Variants in APBB1IP observed in about 807,000 individuals in gnomAD.
The protein encoded by APBB1IP is amyloid beta precursor protein binding family B member 1 interacting protein.
A neutral mutation model predicts 64.9 loss-of-function variants in APBB1IP; 27 were observed. That is an observed-to-expected ratio of 0.42 (90% confidence interval 0.31 to 0.57). The LOEUF is 0.57. Among genes scored for constraint, APBB1IP ranks in the 20% least tolerant of loss-of-function variants. The pLI is 0.20. For synonymous variants in APBB1IP, 392 were observed against 331.0 expected, an observed-to-expected ratio of 1.18 and a Z score of -2.00; for missense variants, 812 against 845.5, an observed-to-expected ratio of 0.96 and a Z score of 0.49.
chr10:26,509,683 A>T (rs919338277), intron 6 of APBB1IP: 1 of 152,254 alleles, frequency 6.6e-6, no homozygotes, highest in Non-Finnish European at 1.5e-5. Context: ...GGGAGGTAGG[A>T]ATAGGACAGA....
intron 8 of APBB1IP, 95 bp from the exon 9 acceptor site, chr10:26,533,344 C>T: frequency 1.5e-6 from 1 of 681,536 alleles, no homozygotes; most frequent in Non-Finnish European, 2.3e-6. Context: ...GTTTCACACA[C>T]TTAACATCTT....
chr10:26,522,305 C>T (rs1169378708), intron 8 of APBB1IP, among the ~76,000 whole-genome samples: 2 of 152,078 alleles, frequency 1.3e-5, no homozygotes, highest in Non-Finnish European at 2.9e-5. Flanking sequence ...CACACAGCTT[C>T]CCCCACTATC....
chr10:26,445,917 T>G (rs999530190), intron 2 of APBB1IP, among the ~76,000 whole-genome samples: 6 of 150,166 alleles, frequency 4.0e-5, no homozygotes, highest in Non-Finnish European at 5.9e-5. Context: ...GTCTTAGTTA[T>G]TAACTGCTAT....
At chr10:26,498,234 C>A (rs190192492) in intron 4 of APBB1IP, among the ~76,000 whole-genome samples, 2 of 151,828 alleles carry the variant, frequency 1.3e-5, no homozygotes, top group Non-Finnish European at 2.9e-5. Flanking sequence ...GCAGGCCAGG[C>A]GTGGTGGCTC....
chr10:26,555,684 C>G (rs980375061), intron 11 of APBB1IP, among the ~76,000 whole-genome samples: 1 of 152,130 alleles, frequency 6.6e-6, no homozygotes, highest in Non-Finnish European at 1.5e-5. Context: ...ACCGCAGCCT[C>G]GAACACCTGG....
At chr10:26,501,252 A>G in intron 5 of APBB1IP, 141 bp downstream of exon 5, 1 of 1,262,500 alleles carries the variant, frequency 7.9e-7, no homozygotes, top group Non-Finnish European at 1.1e-6. Flanking sequence ...GAGCACGCTC[A>G]TTGCAAAGCT....
chr10:26,497,648 A>G (rs138066770), intron 4 of APBB1IP, among the ~76,000 whole-genome samples: 2 of 152,166 alleles, frequency 1.3e-5, no homozygotes, highest in African/African-American at 2.4e-5. Context: ...CCTACCAAAA[A>G]TGTGAAAAGC....
intron 3 of APBB1IP, among the ~76,000 whole-genome samples, chr10:26,494,970 G>A (rs1282816557): frequency 6.6e-6 from 1 of 151,640 alleles, no homozygotes; most frequent in Non-Finnish European, 1.5e-5. Context: ...GTTAAAAGGT[G>A]TTAGGATGGC....
In APBB1IP at chr10:26,518,923, A is replaced by T. The variant is rs565872113; in HGVS notation, c.813+5263A>T. 2.0e-5 allele frequency among the ~76,000 whole-genome samples: 3 copies of T among 152,308 alleles called. No homozygotes were observed. The South Asian group carries it at 6.2e-4, about 32-fold the overall frequency. On this transcript the variant is annotated intron_variant, in intron 8 of 14. Transcript: ENST00000376236. ...TTCACACAGATTTTTTATTAAATCC[A>T]GCATTTCTAGCGGTTTTGTGTACAG...
At chr10:26,483,195 T>C (rs1238638356) in intron 2 of APBB1IP, among the ~76,000 whole-genome samples, 2 of 151,236 alleles carry the variant, frequency 1.3e-5, no homozygotes, top group South Asian at 2.1e-4. Context: ...GATAAATTCA[T>C]TGAAGAGAAG....
intron 8 of APBB1IP, 82 bp downstream of exon 8, chr10:26,513,742 G>C (rs1473647055): frequency 2.0e-6 from 3 of 1,477,994 alleles, no homozygotes; most frequent in Non-Finnish European, 1.8e-6. Flanking sequence ...AAAGGCTGGA[G>C]ACAGGGTCTG....
At chr10:26,521,622 C>A in intron 8 of APBB1IP, among the ~76,000 whole-genome samples, 1 of 152,200 alleles carries the variant, frequency 6.6e-6, no homozygotes, top group East Asian at 1.9e-4. Context: ...CAGACGATGG[C>A]TCCTCTATAA....
intron 2 of APBB1IP, among the ~76,000 whole-genome samples, chr10:26,461,127 T>C (rs1411938184): frequency 6.7e-6 from 1 of 148,416 alleles, no homozygotes; most frequent in African/African-American, 2.5e-5. Context: ...GTCAAAAGTA[T>C]CTACCACAAA....
intron 2 of APBB1IP, among the ~76,000 whole-genome samples, chr10:26,476,042 A>C (rs1835771350): frequency 6.6e-6 from 1 of 151,824 alleles, no homozygotes; most frequent in African/African-American, 2.4e-5. Context: ...ATCTTGGGCA[A>C]GATGCTGTCT....
At chr10:26,551,212 T>C (rs1836826215) in intron 11 of APBB1IP, among the ~76,000 whole-genome samples, 1 of 152,248 alleles carries the variant, frequency 6.6e-6, no homozygotes, top group Non-Finnish European at 1.5e-5. Context: ...TGTCCCTTGC[T>C]GGCCTCACGT....
chr10:26,446,917 A>G (rs1835406156), intron 2 of APBB1IP, among the ~76,000 whole-genome samples: 1 of 151,340 alleles, frequency 6.6e-6, no homozygotes, highest in Non-Finnish European at 1.5e-5. Flanking sequence ...CCCTACCCTC[A>G]AGAAGCTTCC....
intron 11 of APBB1IP, among the ~76,000 whole-genome samples, chr10:26,548,079 C>A (rs1836788845): frequency 6.6e-6 from 1 of 152,158 alleles, no homozygotes; most frequent in Admixed American, 6.5e-5. Flanking sequence ...TGTGACTCCT[C>A]CAGCTTTGTT....
chr10:26,463,639 C>A (rs779535432), intron 2 of APBB1IP, among the ~76,000 whole-genome samples: 1 of 152,038 alleles, frequency 6.6e-6, no homozygotes, highest in Non-Finnish European at 1.5e-5. Context: ...ATTTTTTCCA[C>A]GTTATTTAAG....
At chr10:26,482,752 A>C (rs1835849687) in intron 2 of APBB1IP, among the ~76,000 whole-genome samples, 1 of 152,104 alleles carries the variant, frequency 6.6e-6, no homozygotes, top group Non-Finnish European at 1.5e-5. Flanking sequence ...ATTTCTCATC[A>C]ATTCCAGTTC....
Sources: allele counts gnomAD v4.1 joint callset (sites outside exome capture counted in the v4.1 genomes callset), GRCh38; gene constraint gnomAD v4.1.1; transcripts MANE v1.5; gene names NCBI Gene and HGNC (gene_info 2026-07-23, HGNC 2026-07-21).